C10orf143: variants seen among roughly 807,000 people sequenced by gnomAD.
C10orf143 encodes the protein uncharacterized protein C10orf143.
intron 3 of C10orf143, among the ~76,000 whole-genome samples, chr10:130,036,840 C>A (rs141825559): frequency 6.6e-6 from 1 of 152,044 alleles, no homozygotes; most frequent in Admixed American, 6.5e-5. Flanking sequence ...AGCAGGTGGG[C>A]AGGGTATGGG....
chr10:130,110,602 T>C (rs561549465), intron 1 of C10orf143, 102 bp downstream of exon 1: 5 of 398,038 alleles, frequency 1.3e-5, no homozygotes, highest in East Asian at 3.6e-5. Context: ...GGGCCAGGCC[T>C]CCTCACAGGC....
Position 130,081,432 on chromosome 10 carries a change from G to A in C10orf143, c.70-1531C>T, listed in dbSNP as rs76907447. On this transcript the variant is annotated intron_variant, in intron 1 of 3. Coordinates refer to ENST00000637128, the MANE Select transcript of C10orf143 (RefSeq NM_001355042.2). The stretch of plus-strand genomic sequence containing the variant: ...GGCAGAGCAAGTACACAGAAAACAA[G>A]TAAGGAGATAGATTTAAACAACATA... Among the ~76,000 whole-genome samples the A allele has an allele frequency of 5.7e-3, 869 of 152,282 alleles. 12 individuals are homozygous for A. The highest frequency in any genetic ancestry group is 0.02 in the African/African-American group (828 of 41,554).
intron 3 of C10orf143, among the ~76,000 whole-genome samples, chr10:130,046,598 A>G (rs1167377804): frequency 2.0e-5 from 3 of 152,248 alleles, no homozygotes; most frequent in Non-Finnish European, 4.4e-5. Flanking sequence ...TTAATCAAAA[A>G]TAGATCAAAT....
intron 1 of C10orf143, among the ~76,000 whole-genome samples, chr10:130,083,149 T>A (rs1243926932): frequency 1.3e-5 from 2 of 152,186 alleles, no homozygotes; most frequent in African/African-American, 4.8e-5. Flanking sequence ...AAAAAAGCTA[T>A]TAAAATGGTC....
At chr10:130,047,845 A>AT (rs35621926) in intron 3 of C10orf143, among the ~76,000 whole-genome samples, 106,445 of 149,806 alleles carry the variant, frequency 0.71, 37,849 homozygotes, top group Admixed American at 0.75. Context: ...CACTGGAAAC[A>AT]TTTTTTTTTT....
intron 1 of C10orf143, chr10:130,108,196 C>T (rs758101723): frequency 3.1e-5 from 49 of 1,562,676 alleles, no homozygotes; most frequent in Admixed American, 1.0e-4. Context: ...CACCTCCTTT[C>T]CCCCCACCTC....
intron 3 of C10orf143, among the ~76,000 whole-genome samples, chr10:130,045,757 T>G (rs1860661505): frequency 6.6e-6 from 1 of 152,152 alleles, no homozygotes; most frequent in South Asian, 2.1e-4. Flanking sequence ...CGGGAAAACG[T>G]GGAAGCAAAT....
intron 3 of C10orf143, among the ~76,000 whole-genome samples, chr10:130,053,095 C>T (rs1452830377): frequency 6.6e-6 from 1 of 152,096 alleles, no homozygotes; most frequent in Admixed American, 6.6e-5. Context: ...GAGTCTTGCT[C>T]TGTGGCCCAG....
intron 1 of C10orf143, among the ~76,000 whole-genome samples, chr10:130,105,167 A>G (rs1861620085): frequency 6.6e-6 from 1 of 152,132 alleles, no homozygotes; most frequent in South Asian, 2.1e-4. Flanking sequence ...ACCTCAAGTG[A>G]TCAGCCTGCC....
intron 3 of C10orf143, among the ~76,000 whole-genome samples, chr10:130,055,805 A>C (rs973799698): frequency 6.6e-6 from 1 of 151,854 alleles, no homozygotes; most frequent in Non-Finnish European, 1.5e-5. Flanking sequence ...AAATAGCCGG[A>C]TGTGGTGGTG....
intron 1 of C10orf143, among the ~76,000 whole-genome samples, chr10:130,109,286 T>C (rs1272969949): frequency 1.3e-5 from 2 of 152,334 alleles, no homozygotes; most frequent in Middle Eastern, 3.4e-3. Flanking sequence ...TGTTTGTTTT[T>C]CTGCCATCTG....
rs966237688 is a variant in C10orf143 at position 130,079,785 on chromosome 10, G to A, written c.186C>T (p.Cys62=). The A allele has an allele frequency of 2.8e-5, 11 of 398,558 alleles. No individual in the cohort carries two copies. The highest frequency in any genetic ancestry group is 4.9e-5 in the Non-Finnish European group (11 of 226,104). 24.7% of individuals were successfully genotyped at this position (398,558 alleles called of 1,614,324 possible). A position where few individuals can be genotyped will look rare whatever the true frequency, so the allele number is the denominator to read the frequency against. Reference sequence around the variant, plus strand: ...CACTCTCTGGCCTTGGTGCTGGGAGGCAGCCTCTTGATGGAAGCTCCCGGT... The same window carrying A: ...CACTCTCTGGCCTTGGTGCTGGGAGACAGCCTCTTGATGGAAGCTCCCGGT... The part of the protein sequence containing the change: ...PEDRELPSRG[C]LPAPRPESGQ... The change falls in exon 2 of 4, where the codon TGC becomes TGT. Residue 62 remains cysteine (C), a synonymous_variant. Coordinates refer to ENST00000637128, the MANE Select transcript of C10orf143 (RefSeq NM_001355042.2).
chr10:130,076,518 T>C (rs888207907), intron 3 of C10orf143, among the ~76,000 whole-genome samples: 24 of 152,188 alleles, frequency 1.6e-4, no homozygotes, highest in African/African-American at 4.1e-4. Flanking sequence ...ATTCCAGCAC[T>C]GAGAGGCTAC....
chr10:130,101,508 GA>G lies in C10orf143; in HGVS notation c.69+9195del, dbSNP rs544861351. Among the ~76,000 whole-genome samples, 11 of 151,752 alleles carry G rather than the reference GA, an allele frequency of 7.2e-5. 1 individual carries two copies. The highest frequency in any genetic ancestry group is 2.4e-4 in the African/African-American group (10 of 41,384). Reference sequence around the variant, plus strand: ...GAGCAACATTTTTATATTACTGAAAGAAAAAAACCTATCAATTTAGAATTCC... The same window carrying G: ...GAGCAACATTTTTATATTACTGAAAGAAAAAACCTATCAATTTAGAATTCC... On this transcript the variant is annotated intron_variant, in intron 1 of 3. Transcript: ENST00000637128.
chr10:130,061,441 G>C (rs147406797), downstream of C10orf143, among the ~76,000 whole-genome samples: 289 of 152,252 alleles, frequency 1.9e-3, 5 homozygotes, highest in African/African-American at 6.6e-3. Context: ...CCATGCTTTT[G>C]AATGTTCTAA....
At chr10:130,045,755 C>T (rs1860661470) in intron 3 of C10orf143, among the ~76,000 whole-genome samples, 3 of 152,224 alleles carry the variant, frequency 2.0e-5, no homozygotes, top group Non-Finnish European at 2.9e-5. Context: ...GGCGGGAAAA[C>T]GTGGAAGCAA....
intron 3 of C10orf143, among the ~76,000 whole-genome samples, chr10:130,042,757 T>G (rs1260836688): frequency 6.6e-6 from 1 of 152,154 alleles, no homozygotes; most frequent in Non-Finnish European, 1.5e-5. Context: ...ATAGCCAGTG[T>G]GAGAAAGGTG....
intron 1 of C10orf143, among the ~76,000 whole-genome samples, chr10:130,102,693 T>A (rs2134811548): frequency 6.6e-6 from 1 of 152,360 alleles, no homozygotes; most frequent in South Asian, 2.1e-4. Flanking sequence ...TCCTTGCAGT[T>A]CTATCAGTTT....
chr10:130,076,935 C>A (rs1413822240), intron 3 of C10orf143, among the ~76,000 whole-genome samples: 4 of 152,144 alleles, frequency 2.6e-5, no homozygotes, highest in Non-Finnish European at 5.9e-5. Flanking sequence ...GAGCAAGCAG[C>A]CCGACCCTGG....
Sources: allele counts gnomAD v4.1 joint callset (sites outside exome capture counted in the v4.1 genomes callset), GRCh38; gene constraint gnomAD v4.1.1; transcripts MANE v1.5; gene names NCBI Gene and HGNC (gene_info 2026-07-23, HGNC 2026-07-21).